Variants in WDR72 observed in about 807,000 individuals in gnomAD.
WDR72 encodes WD repeat-containing protein 72.
A neutral mutation model predicts 124.2 loss-of-function variants in WDR72; 120 were observed. The ratio of observed to expected loss-of-function variants is 0.97; its 90% confidence interval spans 0.83 to 1.12. The LOEUF (loss-of-function observed/expected upper bound fraction) is 1.12. WDR72 is among the 50% of genes most tolerant of loss of function. The probability of loss-of-function intolerance (pLI) is 0.00; values close to 1 mark genes in which losing one functional copy is unlikely to be tolerated. For synonymous variants in WDR72, 452 were observed against 441.7 expected (o/e 1.02, Z -0.29); for missense variants, 1,387 against 1,278.8 (o/e 1.08, Z -1.29).
chr15:53,517,426 AT>A lies in WDR72; in HGVS notation c.*272del. On this transcript the variant is annotated 3_prime_UTR_variant, in exon 20 of 20. Coordinates refer to ENST00000360509, the MANE Select transcript of WDR72 (RefSeq NM_182758.4). Reference sequence around the variant, plus strand: ...TGGACTGGCATTCCCTGTTGGAAATATTAACAGAAAAAGTAAGAAACAGGAA... The same window carrying A: ...TGGACTGGCATTCCCTGTTGGAAATATAACAGAAAAAGTAAGAAACAGGAA... 2 of 414,864 alleles carry A rather than the reference AT, an allele frequency of 4.8e-6. No individual in the cohort carries two copies. Among genetic ancestry groups the A allele is most frequent in the Non-Finnish European group, 8.9e-6 (2 of 223,874 alleles). 25.7% of individuals were successfully genotyped at this position (414,864 alleles called of 1,614,324 possible).
At chr15:53,737,445 C>A (rs181418034) in intron 1 of WDR72, among the ~76,000 whole-genome samples, 1 of 151,958 alleles carries the variant, frequency 6.6e-6, no homozygotes, top group Non-Finnish European at 1.5e-5. Context: ...AAAATATTAA[C>A]GTAGAAAGGT....
chr15:53,762,470 G>T (rs116326452), upstream of WDR72, among the ~76,000 whole-genome samples: 2 of 152,206 alleles, frequency 1.3e-5, no homozygotes, highest in East Asian at 3.8e-4. Context: ...CACCAAGCAC[G>T]TAGGAGATAC....
chr15:53,750,567 A>G (rs930745873), intron 1 of WDR72, among the ~76,000 whole-genome samples: 2 of 152,196 alleles, frequency 1.3e-5, no homozygotes, highest in African/African-American at 4.8e-5. Flanking sequence ...TATTTAAGCT[A>G]TACATTTTGT....
chr15:53,716,474 T>C, intron 4 of WDR72, 133 bp downstream of exon 4: 1 of 725,440 alleles, frequency 1.4e-6, no homozygotes, highest in East Asian at 2.7e-5. Flanking sequence ...ACTGGTGATA[T>C]TTGACCCTCA....
At chr15:53,671,338 G>C (rs2015980395) in intron 13 of WDR72, among the ~76,000 whole-genome samples, 1 of 152,146 alleles carries the variant, frequency 6.6e-6, no homozygotes, top group South Asian at 2.1e-4. Flanking sequence ...CCTCCTCAGA[G>C]AAGCCTTCTA....
At chr15:53,692,935 A>G (rs1037661236) in intron 13 of WDR72, among the ~76,000 whole-genome samples, 1 of 152,164 alleles carries the variant, frequency 6.6e-6, no homozygotes, top group Non-Finnish European at 1.5e-5. Context: ...AAACCAATCA[A>G]CCCAAGAGGG....
At chr15:53,676,177 AAGGT>A (rs1595840330) in intron 13 of WDR72, among the ~76,000 whole-genome samples, 7 of 152,268 alleles carry the variant, frequency 4.6e-5, no homozygotes, top group African/African-American at 4.8e-5. Context: ...GACCTCCAGA[AAGGT>A]AGGACTGTCC....
intron 1 of WDR72, among the ~76,000 whole-genome samples, chr15:53,744,026 ATACCTTCTT>A (rs2018580276): frequency 6.6e-6 from 1 of 152,164 alleles, no homozygotes; most frequent in Non-Finnish European, 1.5e-5. Context: ...GATCAAAGGA[ATACCTTCTT>A]GTAGTAAATG....
chr15:53,621,138 A>G (rs2013973501), intron 14 of WDR72, among the ~76,000 whole-genome samples: 1 of 151,950 alleles, frequency 6.6e-6, no homozygotes, highest in African/African-American at 2.4e-5. Context: ...TAATAAAAAA[A>G]TAATAGATGT....
intron 13 of WDR72, among the ~76,000 whole-genome samples, chr15:53,680,439 G>T (rs908445362): frequency 6.6e-6 from 1 of 152,152 alleles, no homozygotes; most frequent in Admixed American, 6.6e-5. Flanking sequence ...GTAAGATATG[G>T]AGAGAATTTC....
intron 14 of WDR72, among the ~76,000 whole-genome samples, chr15:53,623,479 TTATA>T (rs139646158): frequency 6.7e-6 from 1 of 149,400 alleles, no homozygotes; most frequent in Non-Finnish European, 1.5e-5. Flanking sequence ...TAGCATTATA[TTATA>T]TATATATATA....
At chr15:53,734,111 A>T (rs1241469198) in intron 1 of WDR72, among the ~76,000 whole-genome samples, 2 of 152,144 alleles carry the variant, frequency 1.3e-5, no homozygotes, top group Non-Finnish European at 2.9e-5. Flanking sequence ...AATTTTTAAA[A>T]CTTATGATAC....
chr15:53,672,312 T>TAA (rs5812704), intron 13 of WDR72, among the ~76,000 whole-genome samples: 43,747 of 136,358 alleles, frequency 0.32, 7,881 homozygotes, highest in East Asian at 0.52. Flanking sequence ...AAATGCCGAT[T>TAA]AAAAAAAAAA....
intron 9 of WDR72, among the ~76,000 whole-genome samples, chr15:53,708,566 C>T (rs1270905149): frequency 6.6e-6 from 1 of 152,066 alleles, no homozygotes; most frequent in Non-Finnish European, 1.5e-5. Context: ...GAATTCAAAT[C>T]CTGGGAATTC....
chr15:53,602,828 T>G (rs1359747201), intron 17 of WDR72, among the ~76,000 whole-genome samples: 1 of 151,940 alleles, frequency 6.6e-6, no homozygotes, highest in Non-Finnish European at 1.5e-5. Flanking sequence ...GTTCTGAAAC[T>G]GAGGCAGTTA....
chr15:53,719,259 T>C (rs1444397794), intron 3 of WDR72, among the ~76,000 whole-genome samples: 2 of 152,190 alleles, frequency 1.3e-5, no homozygotes, highest in Non-Finnish European at 2.9e-5. Flanking sequence ...CCTTGTCTTT[T>C]ATTATACTTT....
At chr15:53,751,988 G>A (rs182793700) in intron 1 of WDR72, among the ~76,000 whole-genome samples, 386 of 152,224 alleles carry the variant, frequency 2.5e-3, no homozygotes, top group South Asian at 6.7e-3. Context: ...TCTATTATCA[G>A]AAGGTTTTTC....
At chr15:53,590,977 C>T (rs962674390) in intron 18 of WDR72, among the ~76,000 whole-genome samples, 1 of 151,938 alleles carries the variant, frequency 6.6e-6, no homozygotes, top group Non-Finnish European at 1.5e-5. Flanking sequence ...TGCTAATGTC[C>T]AGGTTTCTCA....
intron 18 of WDR72, among the ~76,000 whole-genome samples, chr15:53,545,499 T>A (rs916962492): frequency 6.6e-6 from 1 of 151,154 alleles, no homozygotes; most frequent in Non-Finnish European, 1.5e-5. Flanking sequence ...TTACACCTTA[T>A]ACAAAAATCA....
Sources: allele counts gnomAD v4.1 joint callset (sites outside exome capture counted in the v4.1 genomes callset), GRCh38; gene constraint gnomAD v4.1.1; transcripts MANE v1.5; gene names NCBI Gene and HGNC (gene_info 2026-07-23, HGNC 2026-07-21).